The following CNTN5 variants were observed in gnomAD, a reference collection of about 807,000 sequenced individuals.
CNTN5 encodes contactin 5.
Under a neutral mutation model 129.1 loss-of-function variants are expected in CNTN5, and 77 were observed. That is an observed-to-expected ratio of 0.60 (90% CI 0.50 to 0.72). The LOEUF (loss-of-function observed/expected upper bound fraction) is 0.72, where lower values mean the gene tolerates loss of function less well. CNTN5 is among the 30% of genes least tolerant of loss of function. The pLI is 0.00. For synonymous variants in CNTN5, 509 were observed against 465.6 expected (o/e 1.09, Z -1.20); for missense variants, 1,478 against 1,328.8 (o/e 1.11, Z -1.75).
chr11:100,338,848 C>T (rs1952095070), intron 21 of CNTN5, among the ~76,000 whole-genome samples: 1 of 151,930 alleles, frequency 6.6e-6, no homozygotes, highest in Non-Finnish European at 1.5e-5. Context: ...TCTCTTAGCT[C>T]TGCTGTCCCC....
Position 99,154,297 on chromosome 11 carries a change from C to T in CNTN5, c.-210+133027C>T, listed in dbSNP as rs116916320. Among the ~76,000 whole-genome samples the T allele has an allele frequency of 8.4e-4, 128 of 152,236 alleles. 2 individuals are homozygous for T. In the East Asian group the frequency reaches 0.022, roughly 26 times the overall value. ...ACTTGCACCAGTGGCAGCCATGGCA[C>T]GGTTGAGACACAGGTTATCACTTGA... On this transcript the variant is annotated intron_variant, in intron 1 of 24. Transcript: ENST00000524871.
intron 3 of CNTN5, among the ~76,000 whole-genome samples, chr11:99,747,295 G>A (rs992439330): frequency 2.0e-5 from 3 of 151,992 alleles, no homozygotes; most frequent in African/African-American, 7.3e-5. Flanking sequence ...TTTTTAATCA[G>A]TTATAACAGT....
At chr11:99,895,760 G>C (rs1166499915) in intron 6 of CNTN5, among the ~76,000 whole-genome samples, 6 of 152,124 alleles carry the variant, frequency 3.9e-5, no homozygotes, top group Non-Finnish European at 1.5e-5. Flanking sequence ...GAGCTATGTG[G>C]AGTCTGTGCA....
intron 8 of CNTN5, among the ~76,000 whole-genome samples, chr11:99,998,842 A>T (rs1434916954): frequency 6.6e-6 from 1 of 151,262 alleles, no homozygotes; most frequent in African/African-American, 2.4e-5. Context: ...AGCCCTCAGA[A>T]ATAATGCCGC....
rs557126137 is a variant in CNTN5 at position 100,217,299 on chromosome 11, A to G, written c.1885-7393A>G. Among the ~76,000 whole-genome samples, 14 of 152,238 alleles carry G rather than the reference A, an allele frequency of 9.2e-5. No homozygotes were observed. The East Asian group carries it at 2.7e-3, about 30-fold the overall frequency. The stretch of plus-strand genomic sequence containing the variant: ...CTTTTATGCTAGTCACTGTGTTAAG[A>G]AGAATCTATTGGTTGGGTCACAGTA... On this transcript the variant is annotated intron_variant, in intron 15 of 24. Coordinates refer to ENST00000524871, the MANE Select transcript of CNTN5 (RefSeq NM_014361.4).
intron 1 of CNTN5, among the ~76,000 whole-genome samples, chr11:99,034,227 T>C (rs987516617): frequency 6.6e-6 from 1 of 152,188 alleles, no homozygotes; most frequent in Non-Finnish European, 1.5e-5. Flanking sequence ...GGTCTAAAAC[T>C]CTCTTTTTTG....
In CNTN5 at chr11:99,947,345, G is replaced by GT. The variant is rs5794030; in HGVS notation, c.674-9447dup. Among the ~76,000 whole-genome samples the GT allele has an allele frequency of 4.6e-3, 667 of 145,604 alleles. 7 individuals are homozygous for GT. Among genetic ancestry groups the GT allele is most frequent in the African/African-American group, 0.012 (485 of 39,966 alleles). On this transcript the variant is annotated intron_variant, in intron 7 of 24. Transcript: ENST00000524871. Reference sequence around the variant, plus strand: ...AGATAAATATGTGTTTTATGATTAGGTTTTTTTTTTTTTTAAACAGGTGAG... The same window carrying GT: ...AGATAAATATGTGTTTTATGATTAGGTTTTTTTTTTTTTTTAAACAGGTGAG...
chr11:100,148,985 G>GTAGA (rs1232187132), intron 13 of CNTN5, among the ~76,000 whole-genome samples: 4 of 152,236 alleles, frequency 2.6e-5, no homozygotes, highest in South Asian at 2.1e-4. Context: ...CAAAATATTT[G>GTAGA]TAGATACTTA....
At chr11:99,949,661 C>A (rs10501937) in intron 7 of CNTN5, among the ~76,000 whole-genome samples, 1 of 151,992 alleles carries the variant, frequency 6.6e-6, no homozygotes, top group South Asian at 2.1e-4. Context: ...AAATTTAGGC[C>A]GCCTTTTGAA....
At chr11:100,242,820 C>T (rs1949770308) in intron 16 of CNTN5, among the ~76,000 whole-genome samples, 1 of 152,126 alleles carries the variant, frequency 6.6e-6, no homozygotes, top group Admixed American at 6.5e-5. Flanking sequence ...CCCCTTTTCC[C>T]CAAAGAGACT....
chr11:99,697,101 A>G (rs1954303100), intron 3 of CNTN5, among the ~76,000 whole-genome samples: 1 of 152,004 alleles, frequency 6.6e-6, no homozygotes. Context: ...AAAGTATAAA[A>G]TAAATGTCCT....
chr11:100,326,860 C>T (rs1042765631), intron 21 of CNTN5, among the ~76,000 whole-genome samples: 3 of 152,130 alleles, frequency 2.0e-5, no homozygotes, highest in African/African-American at 7.2e-5. Context: ...ATTTGGAGAA[C>T]TGTGAAAAGA....
At chr11:99,528,504 A>G (rs967269956) in intron 2 of CNTN5, among the ~76,000 whole-genome samples, 4 of 152,224 alleles carry the variant, frequency 2.6e-5, no homozygotes, top group African/African-American at 9.6e-5. Context: ...GACAAGATCT[A>G]TGGAAAACCA....
At chr11:99,057,223 G>T (rs1353587079) in intron 1 of CNTN5, among the ~76,000 whole-genome samples, 1 of 151,758 alleles carries the variant, frequency 6.6e-6, no homozygotes, top group Non-Finnish European at 1.5e-5. Context: ...TTATCCTGAA[G>T]ATTTTCTAGA....
At chr11:99,809,896 C>G (rs1206272713) in intron 3 of CNTN5, among the ~76,000 whole-genome samples, 5 of 152,044 alleles carry the variant, frequency 3.3e-5, no homozygotes, top group Admixed American at 3.3e-4. Flanking sequence ...TTACTGAAAT[C>G]TTTAATTATC....
At chr11:99,422,268 G>A (rs530949456) in intron 2 of CNTN5, among the ~76,000 whole-genome samples, 1 of 151,952 alleles carries the variant, frequency 6.6e-6, no homozygotes, top group African/African-American at 2.4e-5. Flanking sequence ...TGATATTTTT[G>A]TTTTTTGAAG....
intron 2 of CNTN5, among the ~76,000 whole-genome samples, chr11:99,501,390 C>A (rs565321607): frequency 1.3e-5 from 2 of 152,234 alleles, no homozygotes; most frequent in South Asian, 2.1e-4. Context: ...GTTTAAATAA[C>A]CCTAGATTTG....
intron 3 of CNTN5, among the ~76,000 whole-genome samples, chr11:99,804,661 G>A (rs1266184673): frequency 2.6e-5 from 4 of 151,030 alleles, no homozygotes; most frequent in Non-Finnish European, 5.9e-5. Context: ...TTAATCGTTA[G>A]CTAATATGGC....
intron 1 of CNTN5, among the ~76,000 whole-genome samples, chr11:99,201,705 A>G (rs898812882): frequency 6.6e-6 from 1 of 152,154 alleles, no homozygotes; most frequent in Non-Finnish European, 1.5e-5. Flanking sequence ...ATAAAGATGT[A>G]ACTATGGAGG....
Sources: allele counts gnomAD v4.1 joint callset (sites outside exome capture counted in the v4.1 genomes callset), GRCh38; gene constraint gnomAD v4.1.1; transcripts MANE v1.5; gene names NCBI Gene and HGNC (gene_info 2026-07-23, HGNC 2026-07-21).